Variants in DNAJC6 observed in about 807,000 individuals in gnomAD.
DNAJC6 encodes DnaJ heat shock protein family (Hsp40) member C6.
Under a neutral mutation model 110.0 loss-of-function variants are expected in DNAJC6, and 34 were observed. That is an observed-to-expected ratio of 0.31 (90% CI 0.24 to 0.41). The LOEUF is 0.41. Ranked by LOEUF, DNAJC6 falls within the 10% of genes least tolerant of loss-of-function variation. The pLI is 1.00. For missense variants in DNAJC6, 1,031 were observed against 1,207.8 expected (o/e 0.85, Z 2.17); for synonymous variants, 406 against 437.2 (o/e 0.93, Z 0.89).
chr1:65,317,205 A>G (rs930094506), intron 1 of DNAJC6, among the ~76,000 whole-genome samples: 1 of 152,218 alleles, frequency 6.6e-6, no homozygotes, highest in African/African-American at 2.4e-5. Flanking sequence ...TGGATGAAGA[A>G]TGCTGGAGTT....
At chr1:65,317,983 G>C (rs980498701) in intron 1 of DNAJC6, among the ~76,000 whole-genome samples, 8 of 152,190 alleles carry the variant, frequency 5.3e-5, no homozygotes, top group African/African-American at 1.9e-4. Context: ...GGTATGTTTA[G>C]AGAATTGCAT....
intron 1 of DNAJC6, among the ~76,000 whole-genome samples, chr1:65,287,668 A>G (rs1298481821): frequency 6.6e-6 from 1 of 152,136 alleles, no homozygotes; most frequent in Admixed American, 6.6e-5. Flanking sequence ...GTGGCGCACA[A>G]TCAGGGCTCA....
intron 1 of DNAJC6, among the ~76,000 whole-genome samples, chr1:65,339,449 C>T (rs1041812792): frequency 1.3e-5 from 2 of 152,162 alleles, no homozygotes; most frequent in African/African-American, 4.8e-5. Context: ...TCTACGAATG[C>T]AAGATAGTAA....
intron 4 of DNAJC6, among the ~76,000 whole-genome samples, chr1:65,368,550 CTCCTTCCT>C (rs573797449): frequency 6.7e-6 from 1 of 149,164 alleles, no homozygotes; most frequent in African/African-American, 2.5e-5. Flanking sequence ...TCCTTCCCTT[CTCCTTCCT>C]TCCTTCCTTC....
In DNAJC6 at chr1:65,414,699, C is replaced by G. The variant is rs1646156252; in HGVS notation, c.*1674C>G. On this transcript the variant is annotated 3_prime_UTR_variant, in exon 19 of 19. Transcript: ENST00000371069. ...TTTAAATATACAGTCATAAACTGTT[C>G]AAGGTAACCATAACAAACTAGGTGT... 6.6e-6 allele frequency: 1 copy of G among 152,516 alleles called. No homozygotes were observed. 9.4% of individuals were successfully genotyped at this position (152,516 alleles called of 1,614,324 possible).
At position 65,310,668 on chromosome 1, in the gene DNAJC6, C is replaced by G. The variant is rs186793989; in HGVS notation, c.193+730C>G. Reference sequence around the variant, plus strand: ...ACTTTGTATCGGGGCTTGCAACTGTCTTTTATAAAAGGTTTGGCAAGTTAG... The same window carrying G: ...ACTTTGTATCGGGGCTTGCAACTGTGTTTTATAAAAGGTTTGGCAAGTTAG... On this transcript the variant is annotated intron_variant, in intron 1 of 18. Coordinates refer to ENST00000371069, the MANE Select transcript of DNAJC6 (RefSeq NM_001256864.2). Among the ~76,000 whole-genome samples the G allele has an allele frequency of 1.1e-3, 164 of 152,254 alleles. 2 individuals are homozygous for G. Among genetic ancestry groups the G allele is most frequent in the African/African-American group, 3.8e-3 (156 of 41,554 alleles).
chr1:65,349,052 A>T (rs1645464681), intron 1 of DNAJC6, among the ~76,000 whole-genome samples: 1 of 144,162 alleles, frequency 6.9e-6, no homozygotes, highest in South Asian at 2.1e-4. Context: ...GCATATATAA[A>T]AATATATATG....
chr1:65,391,069 T>C (rs564600790), intron 11 of DNAJC6, among the ~76,000 whole-genome samples: 2 of 152,304 alleles, frequency 1.3e-5, no homozygotes, highest in East Asian at 3.9e-4. Flanking sequence ...ACTTTTTGGA[T>C]TTTAGAAGGA....
chr1:65,322,233 A>G (rs1289204518), intron 1 of DNAJC6, among the ~76,000 whole-genome samples: 1 of 152,130 alleles, frequency 6.6e-6, no homozygotes, highest in Non-Finnish European at 1.5e-5. Context: ...CCCCAAACCT[A>G]TTTTAGTTTA....
intron 1 of DNAJC6, among the ~76,000 whole-genome samples, chr1:65,274,279 T>C (rs1653594762): frequency 6.6e-6 from 1 of 152,050 alleles, no homozygotes; most frequent in South Asian, 2.1e-4. Context: ...AGATACATGG[T>C]AGATCTTTTC....
At chr1:65,376,987 A>G (rs1645772685) in intron 4 of DNAJC6, among the ~76,000 whole-genome samples, 1 of 151,126 alleles carries the variant, frequency 6.6e-6, no homozygotes, top group African/African-American at 2.4e-5. Context: ...CTGGTCTTGA[A>G]CTCCTGACCT....
chr1:65,358,910 T>C (rs143164258), intron 1 of DNAJC6, among the ~76,000 whole-genome samples: 34 of 152,298 alleles, frequency 2.2e-4, no homozygotes, highest in African/African-American at 8.2e-4. Context: ...GAGGACCAGA[T>C]GGAATTATCC....
intron 17 of DNAJC6, 41 bp downstream of exon 17, chr1:65,408,824 CAA>C: frequency 6.2e-7 from 1 of 1,600,088 alleles, no homozygotes. Context: ...TCCTATATGA[CAA>C]AGTCATGTGA....
At chr1:65,306,076 A>ATT (rs35897124), upstream of DNAJC6, among the ~76,000 whole-genome samples, 3,379 of 135,190 alleles carry the variant, frequency 0.025, 169 homozygotes, top group African/African-American at 0.085. Flanking sequence ...GGCAACTTCA[A>ATT]TTTTTTTTTT....
At chr1:65,390,132 A>T (rs1645912641) in intron 11 of DNAJC6, among the ~76,000 whole-genome samples, 2 of 152,180 alleles carry the variant, frequency 1.3e-5, no homozygotes. Context: ...GCAAAAGGCC[A>T]TTTTAAACTG....
chr1:65,358,585 C>G (rs1488964608), intron 1 of DNAJC6, among the ~76,000 whole-genome samples: 1 of 152,204 alleles, frequency 6.6e-6, no homozygotes, highest in Non-Finnish European at 1.5e-5. Flanking sequence ...ATTATATCCT[C>G]TGAATTGTTT....
intron 1 of DNAJC6, among the ~76,000 whole-genome samples, chr1:65,335,202 G>T (rs1645324160): frequency 1.3e-5 from 2 of 151,948 alleles, no homozygotes; most frequent in Non-Finnish European, 2.9e-5. Context: ...CCACCTCGCG[G>T]GTTCAAGATA....
intron 1 of DNAJC6, among the ~76,000 whole-genome samples, chr1:65,320,064 G>A (rs1274023767): frequency 1.3e-5 from 2 of 152,228 alleles, no homozygotes; most frequent in Non-Finnish European, 2.9e-5. Flanking sequence ...CTCAAAAGGT[G>A]TGAAGACTGG....
intron 1 of DNAJC6, among the ~76,000 whole-genome samples, chr1:65,269,282 C>T (rs537858312): frequency 6.6e-6 from 1 of 151,740 alleles, no homozygotes; most frequent in African/African-American, 2.4e-5. Flanking sequence ...ACAAGAGAAT[C>T]GCTTGAACCT....
Sources: gnomAD v4.1 joint callset for allele counts (sites outside exome capture counted in the v4.1 genomes callset) on GRCh38, gnomAD v4.1.1 for gene constraint, MANE v1.5 for transcripts, NCBI Gene and HGNC (gene_info 2026-07-23, HGNC 2026-07-21) for gene names.